SPTB: variants seen among roughly 807,000 people sequenced by gnomAD.
The protein encoded by SPTB is spectrin beta chain, erythrocytic.
Under a neutral mutation model 256.2 loss-of-function variants are expected in SPTB, and 45 were observed. That is an observed-to-expected ratio of 0.18 (90% CI 0.14 to 0.23). The LOEUF (loss-of-function observed/expected upper bound fraction) is 0.23. Among genes scored for constraint, SPTB ranks in the 10% least tolerant of loss-of-function variants. The pLI, the probability that SPTB is intolerant of heterozygous loss-of-function variation, is 1.00. For synonymous variants in SPTB, 1,231 were observed against 1,243.1 expected (o/e 0.99, Z 0.21); for missense variants, 2,715 against 3,040.4 (o/e 0.89, Z 2.52).
chr14:64,875,361 T>C (rs1240928158), intron 1 of SPTB, among the ~76,000 whole-genome samples: 1 of 152,236 alleles, frequency 6.6e-6, no homozygotes, highest in Non-Finnish European at 1.5e-5. Context: ...GTGGATCACT[T>C]GGCTGTGAAT....
rs1194085536 is a variant in SPTB, at chr14:64,816,886, G to A, written c.148+6061C>T. ...TCCTGAGAGCCATAAACACAGACAAGGCCTGGGGTCAGAGCTTGCCCTTGG... is the reference window on the plus strand; with the variant it reads ...TCCTGAGAGCCATAAACACAGACAAAGCCTGGGGTCAGAGCTTGCCCTTGG... On this transcript the variant is annotated intron_variant, in intron 2 of 35. Transcript: ENST00000644917. This position sits in a 1 kb window ranked among gnomAD's most constrained non-coding sequence, Gnocchi z 4.2. 6.6e-6 allele frequency among the ~76,000 whole-genome samples: 1 copy of A among 152,174 alleles called. No individual in the cohort carries two copies. Among genetic ancestry groups the A allele is most frequent in the Non-Finnish European group, 1.5e-5 (1 of 68,030 alleles).
intron 1 of SPTB, among the ~76,000 whole-genome samples, chr14:64,864,173 C>G (rs1882017866): frequency 6.6e-6 from 1 of 152,104 alleles, no homozygotes; most frequent in African/African-American, 2.4e-5. Context: ...TGAAATAGGT[C>G]AGGCCAGGCA....
intron 32 of SPTB, among the ~76,000 whole-genome samples, chr14:64,765,037 T>TGCGCGCGC (rs2082146654): frequency 1.7e-5 from 2 of 115,156 alleles, no homozygotes; most frequent in African/African-American, 6.8e-5. Context: ...TGTGTGTGTG[T>TGCGCGCGC]GTGTGCGCGC....
intron 32 of SPTB, among the ~76,000 whole-genome samples, chr14:64,765,002 T>C (rs1489572161): frequency 8.3e-6 from 1 of 120,318 alleles, no homozygotes; most frequent in Non-Finnish European, 1.7e-5. Flanking sequence ...CTGGCCAGGC[T>C]GGAGGCCACA....
In SPTB at chr14:64,794,627, A is replaced by T. The variant is rs2082734257; in HGVS notation, c.1645-10T>A. On this transcript the variant is annotated splice_polypyrimidine_tract_variant and intron_variant, in intron 12 of 35. Coordinates refer to ENST00000644917, the MANE Select transcript of SPTB (RefSeq NM_001355436.2). Reference sequence around the variant, plus strand: ...CAGACAAGAGGTGAGCCTGGCAAAGAGAACAGCAGAAAGGAAATGAGGAGA... The same window carrying T: ...CAGACAAGAGGTGAGCCTGGCAAAGTGAACAGCAGAAAGGAAATGAGGAGA... The T allele has an allele frequency of 3.1e-6, 5 of 1,614,194 alleles. No individual in the cohort carries two copies. The highest frequency in any genetic ancestry group is 1.7e-5 in the Admixed American group (1 of 60,036).
chr14:64,843,473 C>T (rs564367237), intron 1 of SPTB, among the ~76,000 whole-genome samples: 1 of 152,306 alleles, frequency 6.6e-6, no homozygotes, highest in Non-Finnish European at 1.5e-5. Context: ...TGAATGTTTG[C>T]CACCATTCTT....
chr14:64,873,163 ATTGCT>A lies in SPTB; in HGVS notation c.-52+6624_-52+6628del, dbSNP rs1882638479. ...TAGAACCACCCTTCTTTCCCTTCAT[ATTGCT>A]TTATTTTTCTTTTTAGCACTTGAAA... On this transcript the variant is annotated intron_variant, in intron 1 of 35. Transcript: ENST00000644917. This position sits in a 1 kb window ranked among gnomAD's most constrained non-coding sequence, Gnocchi z 4.3. Among the ~76,000 whole-genome samples the A allele has an allele frequency of 6.6e-6, 1 of 151,890 alleles. No individual in the cohort carries two copies. The highest frequency in any genetic ancestry group is 1.5e-5 in the Non-Finnish European group (1 of 67,986).
intron 1 of SPTB, among the ~76,000 whole-genome samples, chr14:64,870,059 C>G (rs1882437982): frequency 6.6e-6 from 1 of 151,968 alleles, no homozygotes; most frequent in Non-Finnish European, 1.5e-5. Flanking sequence ...GAAGCTTGAA[C>G]TAACAGTGTA....
intron 1 of SPTB, among the ~76,000 whole-genome samples, chr14:64,870,813 C>G (rs746437957): frequency 9.9e-5 from 15 of 152,198 alleles, no homozygotes; most frequent in Admixed American, 3.3e-4. Context: ...AGCAAGGTCT[C>G]AAGGAGATAT....
In SPTB at chr14:64,790,487, C is replaced by T. The variant is rs949990983; in HGVS notation, c.2804+1232G>A. Among the ~76,000 whole-genome samples the T allele has an allele frequency of 6.6e-6, 1 of 152,202 alleles. No homozygotes were observed. The highest frequency in any genetic ancestry group is 1.5e-5 in the Non-Finnish European group (1 of 68,042). ...AAGAAGAGGGAAGAGGTATTCTCTT[C>T]CTTTGTAAAACATCAGATTGACAAA... On this transcript the variant is annotated intron_variant, in intron 15 of 35. Transcript: ENST00000644917. The surrounding 1 kb of genome is among the most constrained non-coding windows in gnomAD (Gnocchi z 4.8).
At chr14:64,774,999 T>A (rs1308682418) in intron 23 of SPTB, 126 bp downstream of exon 23, 11 of 1,371,414 alleles carry the variant, frequency 8.0e-6, no homozygotes, top group Non-Finnish European at 9.2e-6. Flanking sequence ...GTCTGTGGGT[T>A]CCTTGTGCCC....
chr14:64,789,320 C>A (rs1047308860), intron 15 of SPTB, among the ~76,000 whole-genome samples: 1 of 152,222 alleles, frequency 6.6e-6, no homozygotes, highest in South Asian at 2.1e-4. Flanking sequence ...CCACTGCACT[C>A]CAGCCTGGGT....
chr14:64,771,679 G>C (rs2139498438), intron 26 of SPTB, among the ~76,000 whole-genome samples: 1 of 152,238 alleles, frequency 6.6e-6, no homozygotes, highest in African/African-American at 2.4e-5. Flanking sequence ...GCTGGCCCTG[G>C]GGACAGTGAA....
chr14:64,789,776 CA>C (rs1259507226), intron 15 of SPTB, among the ~76,000 whole-genome samples: 3 of 152,058 alleles, frequency 2.0e-5, no homozygotes, highest in African/African-American at 7.2e-5. Flanking sequence ...ATATGAAGCT[CA>C]AAACCAGTAC....
Position 64,841,266 on chromosome 14 carries a change from A to C in SPTB, c.-51-18121T>G, listed in dbSNP as rs1278496301. ...CTGTAAATGACAGAGCCAGGATTCA[A>C]ACGCAGGCAGTCTGAGTCAGAGCCC... On this transcript the variant is annotated intron_variant, in intron 1 of 35. Coordinates refer to ENST00000644917, the MANE Select transcript of SPTB (RefSeq NM_001355436.2). This position sits in a 1 kb window ranked among gnomAD's most constrained non-coding sequence, Gnocchi z 4.6. Among the ~76,000 whole-genome samples the C allele has an allele frequency of 6.6e-6, 1 of 152,196 alleles. No homozygotes were observed. Among genetic ancestry groups the C allele is most frequent in the Non-Finnish European group, 1.5e-5 (1 of 68,026 alleles).
chr14:64,876,055 C>T (rs1344128004), intron 1 of SPTB, among the ~76,000 whole-genome samples: 1 of 152,172 alleles, frequency 6.6e-6, no homozygotes, highest in Non-Finnish European at 1.5e-5. Context: ...CTCTCTAACT[C>T]CCTGGCTCAA....
At chr14:64,801,431 G>A in intron 6 of SPTB, 31 bp from the exon 7 acceptor site, 2 of 1,530,336 alleles carry the variant, frequency 1.3e-6, no homozygotes, top group Non-Finnish European at 1.8e-6. Flanking sequence ...TGAAAAGGGA[G>A]TAGCCACAGC....
In SPTB at chr14:64,750,166, C is replaced by T. The variant is rs199738056; in HGVS notation, c.6603-12G>A. On this transcript the variant is annotated splice_polypyrimidine_tract_variant and intron_variant, in intron 33 of 35. Transcript: ENST00000644917. ...GGTTGTTCCAGGACCTGCAAAGATG[C>T]AGACAGGCAGGTCACCCACATCCTG... 71 of 1,608,734 alleles carry T rather than the reference C, an allele frequency of 4.4e-5. No individual in the cohort carries two copies. Among genetic ancestry groups the T allele is most frequent in the Non-Finnish European group, 5.8e-5 (68 of 1,175,686 alleles).
Position 64,792,919 on chromosome 14 carries a change from G to A in SPTB, c.2666+78C>T, listed in dbSNP as rs2082699141. The A allele has an allele frequency of 2.5e-6, 4 of 1,600,460 alleles. No individual in the cohort carries two copies. The highest frequency in any genetic ancestry group is 1.1e-5 in the South Asian group (1 of 89,968). ...TCAAAGAGACCTTTGCTGATCCAGA[G>A]ACTATTACCAAACTAGGTGGGAGAT... is the stretch of plus-strand genomic sequence containing the variant. On this transcript the variant is annotated intron_variant, in intron 14 of 35. Coordinates refer to ENST00000644917, the MANE Select transcript of SPTB (RefSeq NM_001355436.2). This position sits in a 1 kb window ranked among gnomAD's most constrained non-coding sequence, Gnocchi z 4.2.
Sources: allele counts gnomAD v4.1 joint callset (sites outside exome capture counted in the v4.1 genomes callset), GRCh38; gene constraint gnomAD v4.1.1; non-coding constraint Gnocchi (gnomAD v3.1); transcripts MANE v1.5; gene names NCBI Gene and HGNC (gene_info 2026-07-23, HGNC 2026-07-21).